Variants in PADI4 observed in about 807,000 individuals in gnomAD.
PADI4 encodes the protein protein-arginine deiminase type-4.
PADI4 carries 62 observed loss-of-function variants against 75.0 expected under a neutral mutation model. That is an observed-to-expected ratio of 0.83 (90% CI 0.67 to 1.02). The LOEUF (loss-of-function observed/expected upper bound fraction) is 1.02, where lower values mean the gene tolerates loss of function less well. Ranked by LOEUF, PADI4 falls within the 50% of genes least tolerant of loss-of-function variation. PADI4 has a pLI of 0.00. For missense variants in PADI4, 845 were observed against 850.5 expected (o/e 0.99, Z 0.08); for synonymous variants, 361 against 348.1 (o/e 1.04, Z -0.41).
At chr1:17,359,947 G>A (rs1014851577) in intron 15 of PADI4, among the ~76,000 whole-genome samples, 3 of 152,266 alleles carry the variant, frequency 2.0e-5, no homozygotes, top group East Asian at 3.9e-4. Context: ...CTTCAACAGC[G>A]GGTGCCAGGT....
In PADI4 at chr1:17,358,712, A is replaced by G. The variant is rs551241748; in HGVS notation, c.1559-126A>G. On this transcript the variant is annotated intron_variant, in intron 13 of 15. Transcript: ENST00000375448. ...TTGCAGATGCTCACAGCAAACCTGT[A>G]TGGTAAGAATTATTACTGACTCCAT... The G allele has an allele frequency of 1.0e-4, 70 of 688,346 alleles. No homozygotes were observed. The African/African-American group carries it at 1.1e-3, about 11-fold the overall frequency. The allele number at this position is 688,346 out of a possible 1,614,324, so 42.6% of individuals were successfully genotyped here.
At chr1:17,325,139 A>G (rs2074097378) in intron 1 of PADI4, among the ~76,000 whole-genome samples, 1 of 152,214 alleles carries the variant, frequency 6.6e-6, no homozygotes, top group Admixed American at 6.5e-5. Flanking sequence ...GTCAAGTTCC[A>G]TAAGAAACCC....
chr1:17,328,301 G>A (rs1487434652), intron 1 of PADI4, among the ~76,000 whole-genome samples: 2 of 151,774 alleles, frequency 1.3e-5, no homozygotes, highest in East Asian at 2.0e-4. Flanking sequence ...TGGGATTATA[G>A]GCATGAGCCA....
chr1:17,356,960 G>A lies in PADI4; in HGVS notation c.1558+501G>A, dbSNP rs187638533. ...AGCTCACAGACATGGGCCAGGCCCC[G>A]GGCTGAGATGCCTCTGTGGCTGAGA... On this transcript the variant is annotated intron_variant, in intron 13 of 15. Transcript: ENST00000375448. The surrounding 1 kb of genome is among the most constrained non-coding windows in gnomAD (Gnocchi z 4.1). Among the ~76,000 whole-genome samples the A allele has an allele frequency of 5.6e-4, 86 of 152,282 alleles. No homozygotes were observed. In the East Asian group the frequency reaches 8.5e-3, roughly 15 times the overall value.
rs6586526 is a variant in PADI4, at chr1:17,334,764, G to A, written c.340+755G>A. 1.5e-3 allele frequency: 555 copies of A among 361,854 alleles called. 6 individuals are homozygous for A. Among genetic ancestry groups the A allele is most frequent in the African/African-American group, 0.011 (493 of 46,788 alleles). 22.4% of individuals were successfully genotyped at this position (361,854 alleles called of 1,614,324 possible). On this transcript the variant is annotated intron_variant, in intron 3 of 15. Transcript: ENST00000375448. ...CCACCTATACTCATATTTATGTAATGTTCTTCTTTAAATAAAATCCATTCT... is the reference window on the plus strand; with the variant it reads ...CCACCTATACTCATATTTATGTAATATTCTTCTTTAAATAAAATCCATTCT...
rs1267164331 is a variant in PADI4, at chr1:17,356,488, C to T, written c.1558+29C>T. On this transcript the variant is annotated intron_variant, in intron 13 of 15. Transcript: ENST00000375448. The surrounding 1 kb of genome is among the most constrained non-coding windows in gnomAD (Gnocchi z 4.1). ...AGTCGGCCCTGCCTTGTTCTCCTGT[C>T]TGTGCACCTTCCTGCTTCCCATAGT... is the stretch of plus-strand genomic sequence containing the variant. 4 of 1,315,376 alleles carry T rather than the reference C, an allele frequency of 3.0e-6. No individual in the cohort carries two copies. Among genetic ancestry groups the T allele is most frequent in the South Asian group, 2.4e-5 (2 of 83,508 alleles). The allele number at this position is 1,315,376 out of a possible 1,614,324, so 81.5% of individuals were successfully genotyped here.
intron 1 of PADI4, among the ~76,000 whole-genome samples, chr1:17,319,612 C>T (rs1294225749): frequency 6.6e-6 from 1 of 152,156 alleles, no homozygotes; most frequent in Non-Finnish European, 1.5e-5. Flanking sequence ...AATTTAATAG[C>T]TTAGTGGAGC....
intron 10 of PADI4, among the ~76,000 whole-genome samples, chr1:17,352,171 GTGGT>G (rs2074668688): frequency 6.6e-6 from 1 of 150,734 alleles, no homozygotes; most frequent in Non-Finnish European, 1.5e-5. Context: ...GTGATGAGAG[GTGGT>G]AGGAGAGGCG....
chr1:17,320,791 A>G (rs1223130173), intron 1 of PADI4, among the ~76,000 whole-genome samples: 1 of 152,116 alleles, frequency 6.6e-6, no homozygotes, highest in East Asian at 1.9e-4. Context: ...CTGACCTCCT[A>G]TCTCATCCTG....
Position 17,356,050 on chromosome 1 carries a change from G to A in PADI4, c.1378G>A (p.Val460Met), listed in dbSNP as rs2074753784. The change falls in exon 12 of 16, where the codon GTG becomes ATG. Residue 460 changes from valine to methionine, a missense_variant. By Grantham distance (21) the Val-to-Met change is conservative. Coordinates refer to ENST00000375448, the MANE Select transcript of PADI4 (RefSeq NM_012387.3). The surrounding 1 kb of genome is among the most constrained non-coding windows in gnomAD (Gnocchi z 4.1). ...CAGTGCCCAGCAGGTGCAGGCCCCT[G>A]TGAAGCTCTATTCTGACTGGCTGTC... is the stretch of plus-strand genomic sequence containing the variant. ...FLSAQQVQAP[V>M]KLYSDWLSVG... The A allele has an allele frequency of 8.1e-6, 13 of 1,614,064 alleles. No individual in the cohort carries two copies. Among genetic ancestry groups the A allele is most frequent in the Admixed American group, 1.7e-5 (1 of 60,004 alleles).
chr1:17,354,513 A>C lies in PADI4; in HGVS notation c.1156-20A>C. On this transcript the variant is annotated intron_variant, in intron 10 of 15. Coordinates refer to ENST00000375448, the MANE Select transcript of PADI4 (RefSeq NM_012387.3). Reference sequence around the variant, plus strand: ...GGACCTCATTCCTCTAACTCTTGGCACTCCCTTCTCCTATCTCAGGGTCCA... The same window carrying C: ...GGACCTCATTCCTCTAACTCTTGGCCCTCCCTTCTCCTATCTCAGGGTCCA... 6.2e-7 allele frequency: 1 copy of C among 1,612,846 alleles called. No individual in the cohort carries two copies. The highest frequency in any genetic ancestry group is 1.7e-5 in the Admixed American group (1 of 59,894).
At chr1:17,344,374 C>G (rs902673736) in intron 8 of PADI4, among the ~76,000 whole-genome samples, 1 of 152,116 alleles carries the variant, frequency 6.6e-6, no homozygotes, top group East Asian at 1.9e-4. Flanking sequence ...ACAATGCAAT[C>G]GAAAAGAAAA....
chr1:17,308,280 G>A lies in PADI4; in HGVS notation c.58G>A (p.Val20Met), dbSNP rs2073707263. The change falls in exon 1 of 16, where the codon GTG (valine) becomes ATG (methionine). Residue 20 changes from valine to methionine, a missense_variant. By Grantham distance (21) the Val-to-Met change is conservative. Transcript: ENST00000375448. ...TPEQPTHAVC[V>M]LGTLTQLDIC... is the part of the protein sequence containing the mutation. The stretch of plus-strand genomic sequence containing the variant: ...AGAGCAGCCCACCCATGCCGTGTGT[G>A]TGCTGGGCACCTTGACTCAGCTTGA... The A allele has an allele frequency of 6.2e-7, 1 of 1,614,028 alleles. No individual in the cohort carries two copies. Among genetic ancestry groups the A allele is most frequent in the Non-Finnish European group, 8.5e-7 (1 of 1,180,034 alleles).
At chr1:17,351,545 G>A (rs2074621751) in intron 10 of PADI4, among the ~76,000 whole-genome samples, 2 of 151,228 alleles carry the variant, frequency 1.3e-5, no homozygotes. Flanking sequence ...GAAGGGTGAG[G>A]CTGCAGTGAG....
In PADI4 at chr1:17,342,379, C is replaced by A; in HGVS notation, c.912C>A (p.Pro304=). The change falls in exon 8 of 16, where the codon CCC becomes CCA. Residue 304 remains proline, a synonymous_variant. Transcript: ENST00000375448. Reference sequence around the variant, plus strand: ...GGATCATGACCCCCAACACCCAGCCCCCGCAGGAGGTGTACGCGTGCAGGT... The same window carrying A: ...GGATCATGACCCCCAACACCCAGCCACCGCAGGAGGTGTACGCGTGCAGGT... ...APWIMTPNTQ[P]PQEVYACSIF... is the part of the protein sequence containing the mutation. 1 of 1,613,266 alleles carries A rather than the reference C, an allele frequency of 6.2e-7. No homozygotes were observed. The highest frequency in any genetic ancestry group is 2.2e-5 in the East Asian group (1 of 44,870).
intron 15 of PADI4, among the ~76,000 whole-genome samples, chr1:17,362,858 G>C (rs1173521854): frequency 6.6e-6 from 1 of 152,064 alleles, no homozygotes. Flanking sequence ...ACAGAGTCTC[G>C]CTCTGTCACC....
intron 1 of PADI4, among the ~76,000 whole-genome samples, chr1:17,329,572 C>T (rs780076070): frequency 5.3e-5 from 8 of 151,974 alleles, no homozygotes; most frequent in Admixed American, 6.6e-5. Context: ...TCTTCAGCCT[C>T]GTCTTCATGT....
At chr1:17,339,073 C>G (rs956605676) in intron 5 of PADI4, among the ~76,000 whole-genome samples, 1 of 152,078 alleles carries the variant, frequency 6.6e-6, no homozygotes, top group Non-Finnish European at 1.5e-5. Flanking sequence ...CAACTCTTGC[C>G]CCTGTCTTAG....
At chr1:17,343,603 A>G (rs2074462227) in intron 8 of PADI4, among the ~76,000 whole-genome samples, 1 of 152,178 alleles carries the variant, frequency 6.6e-6, no homozygotes, top group Admixed American at 6.5e-5. Context: ...TACTCCCACA[A>G]TTCCCACGTG....
Sources: allele counts gnomAD v4.1 joint callset (sites outside exome capture counted in the v4.1 genomes callset), GRCh38; gene constraint gnomAD v4.1.1; non-coding constraint Gnocchi (gnomAD v3.1); transcripts MANE v1.5; gene names NCBI Gene and HGNC (gene_info 2026-07-23, HGNC 2026-07-21).